ZNF503: variants seen among roughly 807,000 people sequenced by gnomAD.
ZNF503 encodes the protein zinc finger protein 503, also known as NocA-like zinc finger 2.
ZNF503 carries 15 observed loss-of-function variants against 34.4 expected under a neutral mutation model. That is an observed-to-expected ratio of 0.44 (90% CI 0.29 to 0.67). The LOEUF is 0.67. Among genes scored for constraint, ZNF503 ranks in the 30% least tolerant of loss-of-function variants. ZNF503 has a pLI of 0.13. For synonymous variants in ZNF503, 580 were observed against 456.8 expected (o/e 1.27, Z -3.44); for missense variants, 1,007 against 926.8 (o/e 1.09, Z -1.12).
At chr10:75,302,804 T>C in the ZNF503 span, among the ~76,000 whole-genome samples, 2 of 152,352 alleles carry the variant, frequency 1.3e-5, no homozygotes, top group East Asian at 3.9e-4. Context: ...AAACCAAGTG[T>C]GTCCTTTCCA....
the ZNF503 span, among the ~76,000 whole-genome samples, chr10:75,353,960 A>C: frequency 1.3e-5 from 2 of 152,216 alleles, no homozygotes; most frequent in Non-Finnish European, 2.9e-5. Context: ...GGAGGAAAGG[A>C]GCTACTTGCT....
the ZNF503 span, among the ~76,000 whole-genome samples, chr10:75,291,369 T>C: frequency 6.6e-6 from 1 of 152,188 alleles, no homozygotes; most frequent in Admixed American, 6.5e-5. Flanking sequence ...TCCAGCAGTT[T>C]GGGAGGCTGA....
At chr10:75,383,751 T>A in the ZNF503 span, among the ~76,000 whole-genome samples, 1 of 152,260 alleles carries the variant, frequency 6.6e-6, no homozygotes, top group Non-Finnish European at 1.5e-5. Context: ...TGAACCTGAA[T>A]GAGCCAGCCC....
At chr10:75,286,730 CTCT>C in the ZNF503 span, among the ~76,000 whole-genome samples, 1 of 152,140 alleles carries the variant, frequency 6.6e-6, no homozygotes, top group African/African-American at 2.4e-5. Context: ...CTTGTATTGT[CTCT>C]TCTTTTGGGG....
the ZNF503 span, among the ~76,000 whole-genome samples, chr10:75,293,077 G>A: frequency 6.6e-6 from 1 of 152,192 alleles, no homozygotes; most frequent in Non-Finnish European, 1.5e-5. Context: ...GCAAGGGTTA[G>A]GGATTTGTAG....
chr10:75,287,855 G>A, the ZNF503 span, among the ~76,000 whole-genome samples: 1 of 152,226 alleles, frequency 6.6e-6, no homozygotes, highest in Non-Finnish European at 1.5e-5. Context: ...TCCTCAGGAA[G>A]GACTCCAGTT....
At chr10:75,377,457 G>A in the ZNF503 span, among the ~76,000 whole-genome samples, 37 of 152,336 alleles carry the variant, frequency 2.4e-4, no homozygotes, top group African/African-American at 8.9e-4. Flanking sequence ...GGGCTGGGGA[G>A]TTTTTCAGGG....
chr10:75,309,899 G>A, the ZNF503 span, among the ~76,000 whole-genome samples: 9 of 151,910 alleles, frequency 5.9e-5, no homozygotes, highest in Non-Finnish European at 1.3e-4. Context: ...AATTCATTTC[G>A]AGTTAACTTT....
chr10:75,317,754 G>A, the ZNF503 span, among the ~76,000 whole-genome samples: 9 of 152,066 alleles, frequency 5.9e-5, no homozygotes, highest in Admixed American at 2.6e-4. Flanking sequence ...CCAGCACTTC[G>A]GGAGGCCGAG....
chr10:75,288,903 C>T, the ZNF503 span, among the ~76,000 whole-genome samples: 1 of 152,172 alleles, frequency 6.6e-6, no homozygotes, highest in Admixed American at 6.5e-5. Flanking sequence ...GCACCAGGTA[C>T]AGTAGGGACC....
At chr10:75,391,041 C>T in the ZNF503 span, among the ~76,000 whole-genome samples, 1 of 152,176 alleles carries the variant, frequency 6.6e-6, no homozygotes, top group Admixed American at 6.5e-5. Flanking sequence ...TAGGTTCTAC[C>T]TTTATGACTT....
the ZNF503 span, among the ~76,000 whole-genome samples, chr10:75,387,695 C>T: frequency 1.3e-5 from 2 of 152,184 alleles, no homozygotes; most frequent in Admixed American, 1.3e-4. Flanking sequence ...TGAGTTAGGG[C>T]TGGGTTTTGC....
In ZNF503 at chr10:75,398,843, G is replaced by T; in HGVS notation, c.1847C>A (p.Pro616His). The change falls in exon 2 of 2, where the codon CCC becomes CAC. Residue 616 changes from proline (P) to histidine (H), a missense_variant. By Grantham distance (77) the Pro-to-His change is moderately conservative (BLOSUM62 -2). Transcript: ENST00000372524. ...TCCGGTGGCGGCGGGCACCGGCACGGGGGCGCCAGGCGTGGGAAGCGGGCT... is the reference window on the plus strand; with the variant it reads ...TCCGGTGGCGGCGGGCACCGGCACGTGGGCGCCAGGCGTGGGAAGCGGGCT... ...SKSPLPTPGA[P>H]VPVPAATGPY... The T allele has an allele frequency of 6.7e-7, 1 of 1,503,140 alleles. No homozygotes were observed. The allele number at this position is 1,503,140 out of a possible 1,614,324, so 93.1% of individuals were successfully genotyped here.
At position 75,401,329 on chromosome 10, in the gene ZNF503, C is replaced by G. The variant is rs548026488; in HGVS notation, c.91G>C (p.Ala31Pro). The G allele has an allele frequency of 1.5e-4, 225 of 1,542,050 alleles. No individual in the cohort carries two copies. The African/African-American group carries it at 2.6e-3, about 18-fold the overall frequency. Residue 31 changes from alanine to proline, a missense_variant, in exon 1 of 2, where the codon GCC becomes CCC. Physicochemically the swap from Ala to Pro is conservative, Grantham distance 27. Coordinates refer to ENST00000372524, the MANE Select transcript of ZNF503 (RefSeq NM_032772.6). ...TTTCCAGAGAGCGCGCTGGTCCAGGCAGGGTCTGCACCGCCGCCTCCGCCT... is the reference window on the plus strand; with the variant it reads ...TTTCCAGAGAGCGCGCTGGTCCAGGGAGGGTCTGCACCGCCGCCTCCGCCT... Reference protein sequence around the residue: ...GGGGGGGADPAWTSALSGNSS... With the variant: ...GGGGGGGADPPWTSALSGNSS...
chr10:75,298,225 A>G, the ZNF503 span, among the ~76,000 whole-genome samples: 34,662 of 152,146 alleles, frequency 0.23, 4,482 homozygotes, highest in African/African-American at 0.35. Context: ...TGTAAAGCCT[A>G]CACTTTAGAA....
the ZNF503 span, among the ~76,000 whole-genome samples, chr10:75,307,174 C>T: frequency 2.6e-5 from 4 of 152,166 alleles, no homozygotes; most frequent in Admixed American, 2.0e-4. Context: ...GCCTCTTGCA[C>T]CAGATAGTTA....
At chr10:75,344,201 G>A in the ZNF503 span, among the ~76,000 whole-genome samples, 2 of 152,260 alleles carry the variant, frequency 1.3e-5, no homozygotes, top group Non-Finnish European at 2.9e-5. Context: ...GAGGGCCACA[G>A]GGGCTCCTCT....
the ZNF503 span, among the ~76,000 whole-genome samples, chr10:75,365,462 A>G: frequency 6.6e-6 from 1 of 152,212 alleles, no homozygotes; most frequent in Non-Finnish European, 1.5e-5. Context: ...CAGTTTTTCA[A>G]AGAAAGAAAA....
the ZNF503 span, among the ~76,000 whole-genome samples, chr10:75,281,019 C>CT: frequency 2.4e-4 from 37 of 152,194 alleles, no homozygotes; most frequent in African/African-American, 7.0e-4. Context: ...GGAGAGGAGG[C>CT]TGGGGACACA....
Sources: gnomAD v4.1 joint callset for allele counts (sites outside exome capture counted in the v4.1 genomes callset) on GRCh38, gnomAD v4.1.1 for gene constraint, MANE v1.5 for transcripts, NCBI Gene and HGNC (gene_info 2026-07-23, HGNC 2026-07-21) for gene names.